The following DOCK2 variants were observed in gnomAD, a reference collection of about 807,000 sequenced individuals.
DOCK2 encodes the protein dedicator of cytokinesis protein 2.
Under a neutral mutation model 248.9 loss-of-function variants are expected in DOCK2, and 87 were observed. That is an observed-to-expected ratio of 0.35 (90% CI 0.29 to 0.42). The LOEUF (loss-of-function observed/expected upper bound fraction) is 0.42. DOCK2 is among the 10% of genes least tolerant of loss of function. DOCK2 has a pLI of 1.00. For missense variants in DOCK2, 1,747 were observed against 2,300.2 expected (o/e 0.76, Z 4.92); for synonymous variants, 805 against 821.6 (o/e 0.98, Z 0.35).
chr5:169,669,866 A>T (rs1758946068), intron 3 of DOCK2, among the ~76,000 whole-genome samples: 1 of 152,172 alleles, frequency 6.6e-6, no homozygotes, highest in African/African-American at 2.4e-5. Flanking sequence ...CATTGGTTGC[A>T]TTTATGAAGG....
intron 43 of DOCK2, 46 bp from the exon 44 acceptor site, chr5:170,057,534 G>A (rs779351624): frequency 6.4e-7 from 1 of 1,566,272 alleles, no homozygotes; most frequent in Admixed American, 1.7e-5. Context: ...TTTCATAAAT[G>A]TGTTTGTTGC....
At chr5:169,648,134 C>T (rs1255650670) in intron 1 of DOCK2, among the ~76,000 whole-genome samples, 1 of 152,124 alleles carries the variant, frequency 6.6e-6, no homozygotes, top group Non-Finnish European at 1.5e-5. Flanking sequence ...TGAAATCCAG[C>T]ATGATGTTTC....
At chr5:169,772,302 C>T (rs537333099) in intron 25 of DOCK2, among the ~76,000 whole-genome samples, 14 of 152,354 alleles carry the variant, frequency 9.2e-5, no homozygotes, top group African/African-American at 3.1e-4. Context: ...TACCTTCTCT[C>T]GGCTTGCACT....
chr5:169,699,380 A>C lies in DOCK2; in HGVS notation c.1056-2A>C. 1 of 1,612,698 alleles carries C rather than the reference A, an allele frequency of 6.2e-7. No individual in the cohort carries two copies. The highest frequency in any genetic ancestry group is 8.5e-7 in the Non-Finnish European group (1 of 1,179,212). On this transcript the variant is annotated splice_acceptor_variant, in intron 11 of 51. Transcript: ENST00000520908. LOFTEE classifies it high-confidence loss of function. ...CATTTCATGCTCTCTTTTCCTTTCC[A>C]GGGTTACAGCTGAGAATGACTTCCT...
chr5:169,639,928 C>T (rs1283439375), intron 1 of DOCK2, among the ~76,000 whole-genome samples: 1 of 152,218 alleles, frequency 6.6e-6, no homozygotes, highest in Non-Finnish European at 1.5e-5. Flanking sequence ...TCTCACAGTT[C>T]TCGAGGCTGG....
intron 27 of DOCK2, among the ~76,000 whole-genome samples, chr5:169,949,919 G>A (rs562439746): frequency 2.2e-4 from 33 of 152,106 alleles, no homozygotes; most frequent in African/African-American, 6.8e-4. Flanking sequence ...CTTCTTTCTC[G>A]ATTTTCTTTT....
At chr5:169,744,945 T>C (rs763812809) in intron 22 of DOCK2, among the ~76,000 whole-genome samples, 4 of 152,202 alleles carry the variant, frequency 2.6e-5, no homozygotes, top group Non-Finnish European at 5.9e-5. Flanking sequence ...AGAGCCCATG[T>C]GTCTGTAAAT....
rs545667400 is a variant in DOCK2, at chr5:169,689,786, G to A, written c.843+453G>A. ...GAATATTGACTGCCTTGGTAAATTG[G>A]ACATTCTGAATATAATTAAGTCATA... On this transcript the variant is annotated intron_variant, in intron 9 of 51. Transcript: ENST00000520908. Among the ~76,000 whole-genome samples, 3 of 152,292 alleles carry A rather than the reference G, an allele frequency of 2.0e-5. No homozygotes were observed. In the South Asian group the frequency reaches 6.2e-4, roughly 32 times the overall value.
chr5:169,655,998 C>T (rs192147606), intron 2 of DOCK2, among the ~76,000 whole-genome samples: 3 of 152,262 alleles, frequency 2.0e-5, no homozygotes, highest in South Asian at 2.1e-4. Flanking sequence ...AAACCTTTTA[C>T]GCAAGGAGTG....
At chr5:170,049,982 A>G (rs999547870) in intron 40 of DOCK2, among the ~76,000 whole-genome samples, 3 of 152,150 alleles carry the variant, frequency 2.0e-5, no homozygotes, top group Non-Finnish European at 4.4e-5. Flanking sequence ...TGAGTGAGTA[A>G]TTATTCTGGA....
intron 24 of DOCK2, 91 bp from the exon 25 acceptor site, chr5:169,761,428 A>G (rs535284412): frequency 9.6e-7 from 1 of 1,045,906 alleles, no homozygotes; most frequent in African/African-American, 1.6e-5. Flanking sequence ...GGTTTCCCAG[A>G]GCTAGAGGTC....
chr5:169,981,813 A>C (rs982737654), intron 27 of DOCK2, among the ~76,000 whole-genome samples: 3 of 152,204 alleles, frequency 2.0e-5, no homozygotes, highest in African/African-American at 7.2e-5. Flanking sequence ...TCAAATTAAA[A>C]TTTATATTTT....
At chr5:169,682,301 C>T (rs990300295) in intron 7 of DOCK2, among the ~76,000 whole-genome samples, 1 of 152,252 alleles carries the variant, frequency 6.6e-6, no homozygotes, top group African/African-American at 2.4e-5. Context: ...TGAGCTGACA[C>T]CTGAATCATG....
At chr5:169,873,586 C>T (rs957025896) in intron 27 of DOCK2, among the ~76,000 whole-genome samples, 1 of 152,184 alleles carries the variant, frequency 6.6e-6, no homozygotes, top group Admixed American at 6.5e-5. Flanking sequence ...AGACAAGGTT[C>T]TCAAGAGTTC....
intron 27 of DOCK2, chr5:169,883,490 T>A (rs1311942007): frequency 2.6e-6 from 4 of 1,551,562 alleles, no homozygotes; most frequent in African/African-American, 1.4e-5. Flanking sequence ...TCAGAGAGGT[T>A]ACCGTTGACC....
At position 169,761,641 on chromosome 5, in the gene DOCK2, C is replaced by G. The variant is rs1225645089; in HGVS notation, c.2554+16C>G. On this transcript the variant is annotated intron_variant, in intron 25 of 51. Coordinates refer to ENST00000520908, the MANE Select transcript of DOCK2 (RefSeq NM_004946.3). ...AAAAAGCAAGGTGAGTACACAGCACCCTTGCTGGGGTGGGGTAAGGGGCCA... is the reference window on the plus strand; with the variant it reads ...AAAAAGCAAGGTGAGTACACAGCACGCTTGCTGGGGTGGGGTAAGGGGCCA... The G allele has an allele frequency of 3.1e-6, 5 of 1,609,870 alleles. No individual in the cohort carries two copies. In the South Asian group the frequency reaches 5.5e-5, roughly 18 times the overall value.
Position 169,764,864 on chromosome 5 carries a change from T to TGTTGTA in DOCK2, c.2554+3244_2554+3245insAGTTGT, listed in dbSNP as rs574433437. 2.6e-4 allele frequency among the ~76,000 whole-genome samples: 40 copies of TGTTGTA among 152,136 alleles called. No homozygotes were observed. The highest frequency in any genetic ancestry group is 9.2e-4 in the African/African-American group (38 of 41,446). On this transcript the variant is annotated intron_variant, in intron 25 of 51. Transcript: ENST00000520908. The surrounding 1 kb of genome is among the most constrained non-coding windows in gnomAD (Gnocchi z 4.3). ...ACGTGTTTGTTGTTGTTGTTGTTGT[T>TGTTGTA]GTTGTTGTTTTCAATTTTTATTGCC...
intron 25 of DOCK2, among the ~76,000 whole-genome samples, chr5:169,780,423 C>T (rs958207769): frequency 7.2e-5 from 11 of 151,964 alleles, no homozygotes; most frequent in African/African-American, 2.7e-4. Context: ...AATTTGGCAT[C>T]CAATAAAGTA....
At chr5:170,032,522 C>T (rs867853129) in intron 34 of DOCK2, among the ~76,000 whole-genome samples, 3 of 152,114 alleles carry the variant, frequency 2.0e-5, no homozygotes, top group East Asian at 1.9e-4. Context: ...GCTCAGACCC[C>T]GAGATGTCTC....
Sources: gnomAD v4.1 joint callset for allele counts (sites outside exome capture counted in the v4.1 genomes callset) on GRCh38, gnomAD v4.1.1 for gene constraint, Gnocchi (gnomAD v3.1) non-coding constraint, MANE v1.5 for transcripts, NCBI Gene and HGNC (gene_info 2026-07-23, HGNC 2026-07-21) for gene names.